The following PDE10A variants were observed in gnomAD, a reference collection of about 807,000 sequenced individuals.
The protein encoded by PDE10A is cAMP and cAMP-inhibited cGMP 3',5'-cyclic phosphodiesterase 10A.
A neutral mutation model predicts 97.7 loss-of-function variants in PDE10A; 39 were observed. The observed-to-expected ratio is 0.40, with a 90% CI of 0.31 to 0.52. PDE10A has a LOEUF of 0.52. Among genes scored for constraint, PDE10A ranks in the 20% least tolerant of loss-of-function variants. The pLI is 0.56. For missense variants in PDE10A, 731 were observed against 1,047.8 expected, an observed-to-expected ratio of 0.70 and a Z score of 4.17; for synonymous variants, 371 against 376.8, an observed-to-expected ratio of 0.98 and a Z score of 0.18.
chr6:165,786,266 T>C (rs1034574249), intron 1 of PDE10A, among the ~76,000 whole-genome samples: 2 of 152,078 alleles, frequency 1.3e-5, no homozygotes, highest in Non-Finnish European at 2.9e-5. Context: ...GTCCCAGAAG[T>C]TCAAAGGAGG....
chr6:165,334,819 C>T (rs1321585489), intron 21 of PDE10A, among the ~76,000 whole-genome samples: 4 of 152,000 alleles, frequency 2.6e-5, no homozygotes, highest in Non-Finnish European at 4.4e-5. Flanking sequence ...AAGGAGAAAC[C>T]GTTTCTTAAA....
At chr6:165,796,475 C>A (rs774048052) in intron 1 of PDE10A, among the ~76,000 whole-genome samples, 2 of 152,110 alleles carry the variant, frequency 1.3e-5, no homozygotes, top group African/African-American at 2.4e-5. Context: ...TTGGTTTCCC[C>A]AAAATGGCAG....
intron 1 of PDE10A, among the ~76,000 whole-genome samples, chr6:165,963,855 T>C (rs1784428722): frequency 1.3e-5 from 2 of 152,182 alleles, no homozygotes; most frequent in Admixed American, 1.3e-4. Context: ...TATCCTGGCT[T>C]GGGCCAGGCA....
At chr6:165,914,482 T>C (rs1782551683) in intron 1 of PDE10A, among the ~76,000 whole-genome samples, 1 of 152,188 alleles carries the variant, frequency 6.6e-6, no homozygotes, top group Admixed American at 6.5e-5. Context: ...CCATGGAGAC[T>C]TTTCCCAGCT....
At chr6:165,942,489 C>T (rs1376079745) in intron 1 of PDE10A, among the ~76,000 whole-genome samples, 1 of 152,098 alleles carries the variant, frequency 6.6e-6, no homozygotes, top group Non-Finnish European at 1.5e-5. Flanking sequence ...GAGATGTGTT[C>T]GGTGTGTGCT....
chr6:165,447,101 A>G (rs1583301387), intron 5 of PDE10A, among the ~76,000 whole-genome samples: 1 of 152,164 alleles, frequency 6.6e-6, no homozygotes, highest in Admixed American at 6.5e-5. Context: ...AAAGCAAAAA[A>G]AAAAAATAAA....
At chr6:165,619,469 GTAGTGTAGTCTAGTGTAGTC>G (rs1787980168) in intron 1 of PDE10A, among the ~76,000 whole-genome samples, 2 of 36,170 alleles carry the variant, frequency 5.5e-5, no homozygotes, top group South Asian at 1.1e-3. Flanking sequence ...GTAGTCTAGT[GTAGTGTAGTCTAGTGTAGTC>G]TAGTGTAGTC....
intron 2 of PDE10A, among the ~76,000 whole-genome samples, chr6:165,505,610 T>C (rs1036842180): frequency 1.6e-4 from 24 of 152,182 alleles, no homozygotes; most frequent in Non-Finnish European, 3.4e-4. Context: ...AGTTAATCGG[T>C]TGGTGGTCTC....
chr6:165,701,724 C>G (rs574369895), intron 1 of PDE10A, among the ~76,000 whole-genome samples: 1 of 148,928 alleles, frequency 6.7e-6, no homozygotes, highest in Admixed American at 6.7e-5. Flanking sequence ...TGTGTTTGCG[C>G]GTGTGTGCAT....
At chr6:165,979,206 G>A (rs907976423) in intron 1 of PDE10A, among the ~76,000 whole-genome samples, 3 of 152,212 alleles carry the variant, frequency 2.0e-5, no homozygotes, top group Non-Finnish European at 4.4e-5. Context: ...CTGGAGCTGG[G>A]TAAGGGTTCT....
chr6:165,361,000 C>T (rs1324818076), intron 18 of PDE10A, among the ~76,000 whole-genome samples: 1 of 152,178 alleles, frequency 6.6e-6, no homozygotes, highest in Non-Finnish European at 1.5e-5. Context: ...AGAATGCCTG[C>T]TCTTGCCACT....
intron 18 of PDE10A, among the ~76,000 whole-genome samples, chr6:165,365,983 T>C (rs1043819153): frequency 6.6e-5 from 10 of 152,098 alleles, no homozygotes; most frequent in African/African-American, 2.4e-4. Flanking sequence ...ACTAATTCCA[T>C]GGAAAAGTAC....
At chr6:165,936,477 A>G (rs1177309732) in intron 1 of PDE10A, among the ~76,000 whole-genome samples, 2 of 152,224 alleles carry the variant, frequency 1.3e-5, no homozygotes, top group African/African-American at 4.8e-5. Flanking sequence ...AAGAAGAAAG[A>G]ACAGATGGTC....
chr6:165,517,533 C>T (rs554648584), intron 2 of PDE10A, among the ~76,000 whole-genome samples: 50 of 152,168 alleles, frequency 3.3e-4, no homozygotes, highest in Admixed American at 1.4e-3. Flanking sequence ...GAAAGTAATC[C>T]GATAAATTGT....
At chr6:165,431,533 A>G in intron 7 of PDE10A, 61 bp from the exon 8 acceptor site, 2 of 506,472 alleles carry the variant, frequency 3.9e-6, no homozygotes, top group South Asian at 3.4e-5. Context: ...TATATATACT[A>G]TATATAATAT....
At chr6:165,452,335 T>G (rs543315035) in intron 3 of PDE10A, among the ~76,000 whole-genome samples, 13 of 152,256 alleles carry the variant, frequency 8.5e-5, no homozygotes, top group Non-Finnish European at 1.6e-4. Flanking sequence ...ATATTCAGCA[T>G]GGCTGCTTGA....
rs571007803 is a variant in PDE10A at position 165,390,229 on chromosome 6, C to T, written c.2455-1776G>A. ...GCATTCGCAGGAAAACCAAGAGTGC[C>T]GAATGTCCCGGGATTCGATTGAAGA... On this transcript the variant is annotated intron_variant, in intron 16 of 21. Coordinates refer to ENST00000539869, the MANE Select transcript of PDE10A (RefSeq NM_001385079.1). Among the ~76,000 whole-genome samples the T allele has an allele frequency of 7.9e-5, 12 of 152,232 alleles. No homozygotes were observed. The South Asian group carries it at 1.2e-3, about 16-fold the overall frequency.
chr6:165,786,123 C>T (rs985914746), intron 1 of PDE10A, among the ~76,000 whole-genome samples: 2 of 152,192 alleles, frequency 1.3e-5, no homozygotes, highest in Admixed American at 1.3e-4. Flanking sequence ...ATTGAGTCTG[C>T]TGCATGGAGG....
chr6:165,833,090 T>C (rs2128471431), intron 1 of PDE10A, among the ~76,000 whole-genome samples: 1 of 152,354 alleles, frequency 6.6e-6, no homozygotes, highest in East Asian at 1.9e-4. Flanking sequence ...TATAACATCT[T>C]TATTCTCCTA....
Sources: allele counts gnomAD v4.1 joint callset (sites outside exome capture counted in the v4.1 genomes callset), GRCh38; gene constraint gnomAD v4.1.1; transcripts MANE v1.5; gene names NCBI Gene and HGNC (gene_info 2026-07-23, HGNC 2026-07-21).